COL27A1: variants seen among roughly 807,000 people sequenced by gnomAD.
The protein encoded by COL27A1 is collagen type XXVII alpha 1 chain.
In COL27A1, 106 loss-of-function variants were observed where a neutral mutation model predicts 251.3. The ratio of observed to expected loss-of-function variants is 0.42; its 90% confidence interval spans 0.36 to 0.50. COL27A1 has a LOEUF of 0.50. Ranked by LOEUF, COL27A1 falls within the 20% of genes least tolerant of loss-of-function variation. The probability of loss-of-function intolerance (pLI) is 0.00; values close to 1 mark genes in which losing one functional copy is unlikely to be tolerated. For synonymous variants in COL27A1, 1,000 were observed against 986.3 expected, an observed-to-expected ratio of 1.01 and a Z score of -0.26; for missense variants, 2,325 against 2,522.8, an observed-to-expected ratio of 0.92 and a Z score of 1.68.
At chr9:114,196,402 C>T (rs905375236) in intron 7 of COL27A1, among the ~76,000 whole-genome samples, 2 of 152,220 alleles carry the variant, frequency 1.3e-5, no homozygotes, top group Non-Finnish European at 2.9e-5. Context: ...CTGTCTCTGC[C>T]CCTCAGCCTC....
At chr9:114,210,620 C>A (rs577466558) in intron 11 of COL27A1, among the ~76,000 whole-genome samples, 1 of 152,282 alleles carries the variant, frequency 6.6e-6, no homozygotes, top group South Asian at 2.1e-4. Context: ...CCATTAGAAG[C>A]CCCTGGGGTG....
At chr9:114,208,664 C>T (rs1269839880) in intron 10 of COL27A1, among the ~76,000 whole-genome samples, 1 of 151,968 alleles carries the variant, frequency 6.6e-6, no homozygotes, top group African/African-American at 2.4e-5. Flanking sequence ...AGGTTACTGC[C>T]CTTTAGAAGT....
At chr9:114,240,699 A>G (rs927849900) in intron 21 of COL27A1, among the ~76,000 whole-genome samples, 1 of 152,184 alleles carries the variant, frequency 6.6e-6, no homozygotes, top group Non-Finnish European at 1.5e-5. Context: ...GTCACCTGGC[A>G]GGGTGGCTTC....
At chr9:114,289,208 G>A in intron 44 of COL27A1, 34 bp from the exon 45 acceptor site, 1 of 1,565,404 alleles carries the variant, frequency 6.4e-7, no homozygotes, top group Non-Finnish European at 8.7e-7. Context: ...GAGAATCCTG[G>A]GGCTGCCTTG....
chr9:114,292,015 G>C, intron 48 of COL27A1, 88 bp from the exon 49 acceptor site: 1 of 1,158,842 alleles, frequency 8.6e-7, no homozygotes, highest in Non-Finnish European at 1.3e-6. Flanking sequence ...TGGAATCACT[G>C]TTCTGGCTCT....
intron 7 of COL27A1, among the ~76,000 whole-genome samples, chr9:114,196,869 A>G (rs1475263238): frequency 6.6e-6 from 1 of 151,910 alleles, no homozygotes; most frequent in East Asian, 1.9e-4. Flanking sequence ...ACTCTACTCT[A>G]GTTGTGCCTA....
intron 37 of COL27A1, among the ~76,000 whole-genome samples, chr9:114,278,922 T>C (rs1159446006): frequency 2.6e-5 from 4 of 152,108 alleles, no homozygotes; most frequent in Admixed American, 2.6e-4. Context: ...TCTATATGGA[T>C]GGGGCCCAGC....
intron 27 of COL27A1, among the ~76,000 whole-genome samples, chr9:114,257,314 G>A (rs980317431): frequency 2.6e-5 from 4 of 151,400 alleles, no homozygotes; most frequent in Non-Finnish European, 5.9e-5. Context: ...CTGGCTGGCC[G>A]GTGGATGAAG....
At chr9:114,202,514 A>C (rs1462996952) in intron 7 of COL27A1, among the ~76,000 whole-genome samples, 1 of 152,188 alleles carries the variant, frequency 6.6e-6, no homozygotes, top group African/African-American at 2.4e-5. Context: ...CTCCAGGTGG[A>C]AAAATGATGA....
chr9:114,167,578 A>T, intron 2 of COL27A1, 111 bp from the exon 3 acceptor site: 1 of 858,284 alleles, frequency 1.2e-6, no homozygotes, highest in Middle Eastern at 2.3e-4. Context: ...ACAAAGGACC[A>T]GGTAGCTGTG....
intron 57 of COL27A1, chr9:114,306,251 ACGGGGCTCTGCCTGTCCCATAT>A (rs1028653991): frequency 8.5e-6 from 3 of 351,448 alleles, no homozygotes; most frequent in African/African-American, 4.2e-5. Flanking sequence ...TACCTCATTC[ACGGGGCTCTGCCTGTCCCATAT>A]CAGAGAACAT....
chr9:114,225,065 T>C (rs1292143165), intron 14 of COL27A1, among the ~76,000 whole-genome samples: 1 of 152,234 alleles, frequency 6.6e-6, no homozygotes, highest in Admixed American at 6.5e-5. Flanking sequence ...TACTAAAATG[T>C]CACTCATTGT....
chr9:114,185,261 T>G (rs888551091), intron 5 of COL27A1, among the ~76,000 whole-genome samples: 1 of 152,244 alleles, frequency 6.6e-6, no homozygotes, highest in Non-Finnish European at 1.5e-5. Flanking sequence ...CCCATTTGCA[T>G]CTGTGTATAA....
At chr9:114,209,404 G>A (rs1034680262) in intron 10 of COL27A1, 17 of 731,366 alleles carry the variant, frequency 2.3e-5, no homozygotes, top group Middle Eastern at 3.6e-4. Flanking sequence ...GGCGTGGGGC[G>A]GGCCTCCTGC....
chr9:114,296,076 C>T lies in COL27A1; in HGVS notation c.4584+3866C>T, dbSNP rs144925278. On this transcript the variant is annotated intron_variant, in intron 49 of 60. Coordinates refer to ENST00000356083, the MANE Select transcript of COL27A1 (RefSeq NM_032888.4). ...AAATTAGCTCAACCTGGATCATACACCTAAATGTAAAACTGAAAATTAAAA... is the reference window on the plus strand; with the variant it reads ...AAATTAGCTCAACCTGGATCATACATCTAAATGTAAAACTGAAAATTAAAA... 4.8e-3 allele frequency among the ~76,000 whole-genome samples: 726 copies of T among 152,148 alleles called. 6 individuals are homozygous for T. The highest frequency in any genetic ancestry group is 0.017 in the African/African-American group (693 of 41,518).
rs578096480 is a variant in COL27A1, at chr9:114,201,339, A to G, written c.2125-3763A>G. On this transcript the variant is annotated intron_variant, in intron 7 of 60. Transcript: ENST00000356083. ...CATAATTGGCGGGGCGCTGCACAAGATAATGGTTTAGATTCTTGCAGGTCT... is the reference window on the plus strand; with the variant it reads ...CATAATTGGCGGGGCGCTGCACAAGGTAATGGTTTAGATTCTTGCAGGTCT... Among the ~76,000 whole-genome samples, 3 of 152,338 alleles carry G rather than the reference A, an allele frequency of 2.0e-5. No homozygotes were observed. The South Asian group carries it at 6.2e-4, about 32-fold the overall frequency.
intron 37 of COL27A1, 79 bp downstream of exon 37, chr9:114,275,847 G>T: frequency 1.1e-6 from 1 of 938,080 alleles, no homozygotes; most frequent in East Asian, 2.8e-5. Flanking sequence ...GGCTGGGCGG[G>T]AGGGCTTTTG....
chr9:114,288,351 C>G, intron 41 of COL27A1, 104 bp from the exon 42 acceptor site: 1 of 1,215,414 alleles, frequency 8.2e-7, no homozygotes, highest in Non-Finnish European at 1.2e-6. Flanking sequence ...ATCTGTAACC[C>G]TAAGCAGGCT....
chr9:114,232,838 C>T lies in COL27A1; in HGVS notation c.2565+972C>T, dbSNP rs141483319. On this transcript the variant is annotated intron_variant, in intron 16 of 60. Coordinates refer to ENST00000356083, the MANE Select transcript of COL27A1 (RefSeq NM_032888.4). ...CTATAATCCCAGCACTTTGGGAGGCCAAGGCGGGCGGATCATAAGGTCAGG... is the reference window on the plus strand; with the variant it reads ...CTATAATCCCAGCACTTTGGGAGGCTAAGGCGGGCGGATCATAAGGTCAGG... Among the ~76,000 whole-genome samples, 60 of 152,314 alleles carry T rather than the reference C, an allele frequency of 3.9e-4. 1 individual carries two copies. In the East Asian group the frequency reaches 0.011, roughly 29 times the overall value.
Sources: allele counts gnomAD v4.1 joint callset (sites outside exome capture counted in the v4.1 genomes callset), GRCh38; gene constraint gnomAD v4.1.1; transcripts MANE v1.5; gene names NCBI Gene and HGNC (gene_info 2026-07-23, HGNC 2026-07-21).